Variants in CCSER1 observed in about 807,000 individuals in gnomAD.
CCSER1 encodes the protein coiled-coil serine rich protein 1, also known as serine-rich coiled-coil domain-containing protein 1.
In CCSER1, 41 loss-of-function variants were observed where a neutral mutation model predicts 82.0. That is an observed-to-expected ratio of 0.50 (90% confidence interval 0.39 to 0.65). CCSER1 has a LOEUF of 0.65. CCSER1 is among the 30% of genes least tolerant of loss of function. The pLI is 0.00. For missense variants in CCSER1, 1,119 were observed against 1,064.2 expected, an observed-to-expected ratio of 1.05 and a Z score of -0.72; for synonymous variants, 414 against 383.9, an observed-to-expected ratio of 1.08 and a Z score of -0.92.
intron 10 of CCSER1, among the ~76,000 whole-genome samples, chr4:91,517,577 C>T (rs570572841): frequency 6.6e-6 from 1 of 152,216 alleles, no homozygotes; most frequent in African/African-American, 2.4e-5. Context: ...ACCTGAATCT[C>T]GATGATCTTC....
intron 8 of CCSER1, among the ~76,000 whole-genome samples, chr4:90,903,900 G>A (rs1306646356): frequency 6.6e-6 from 1 of 150,454 alleles, no homozygotes; most frequent in Non-Finnish European, 1.5e-5. Flanking sequence ...AGTAAACATA[G>A]ACATACATGA....
At chr4:91,217,774 G>T (rs1737373126) in intron 10 of CCSER1, among the ~76,000 whole-genome samples, 1 of 152,202 alleles carries the variant, frequency 6.6e-6, no homozygotes, top group Non-Finnish European at 1.5e-5. Flanking sequence ...AGAGCAGCTA[G>T]ATACAGAGTG....
At chr4:91,029,028 A>G (rs978651262) in intron 9 of CCSER1, among the ~76,000 whole-genome samples, 33 of 152,070 alleles carry the variant, frequency 2.2e-4, no homozygotes, top group Admixed American at 2.2e-3. Flanking sequence ...ATTTTAGTAT[A>G]TGAACTAAAG....
Position 90,923,449 on chromosome 4 carries a change from T to G in CCSER1, c.2172+2T>G. Reference sequence around the variant, plus strand: ...CAGACTGAACTACTATGCTATGATGTAAGTAGCTCTGTAAAACCATTTTTA... The same window carrying G: ...CAGACTGAACTACTATGCTATGATGGAAGTAGCTCTGTAAAACCATTTTTA... On this transcript the variant is annotated splice_donor_variant, in intron 9 of 10. Coordinates refer to ENST00000509176, the MANE Select transcript of CCSER1 (RefSeq NM_001145065.2). LOFTEE classifies it high-confidence loss of function. 6.5e-7 allele frequency: 1 copy of G among 1,546,328 alleles called. No individual in the cohort carries two copies. The highest frequency in any genetic ancestry group is 8.8e-7 in the Non-Finnish European group (1 of 1,142,256).
chr4:91,293,125 C>CA (rs373997411), intron 10 of CCSER1, among the ~76,000 whole-genome samples: 38 of 151,666 alleles, frequency 2.5e-4, no homozygotes, highest in African/African-American at 5.6e-4. Context: ...AATCTGGAGA[C>CA]AAAAAAAATG....
intron 5 of CCSER1, among the ~76,000 whole-genome samples, chr4:90,471,462 T>C (rs1764385564): frequency 6.6e-6 from 1 of 152,076 alleles, no homozygotes; most frequent in Non-Finnish European, 1.5e-5. Flanking sequence ...TAAATAAAGC[T>C]TCTTAACCTT....
At chr4:90,421,226 A>G (rs972611144) in intron 4 of CCSER1, among the ~76,000 whole-genome samples, 1 of 152,184 alleles carries the variant, frequency 6.6e-6, no homozygotes, top group East Asian at 1.9e-4. Flanking sequence ...TCTATTCATC[A>G]GGTCATATGA....
At chr4:90,616,683 T>TCTCACACA (rs1280026240) in intron 5 of CCSER1, among the ~76,000 whole-genome samples, 2 of 120,306 alleles carry the variant, frequency 1.7e-5, no homozygotes, top group South Asian at 3.1e-4. Flanking sequence ...TGGCTCTGTC[T>TCTCACACA]CACACACACA....
chr4:91,142,476 C>T (rs970643495), intron 10 of CCSER1, among the ~76,000 whole-genome samples: 1 of 152,052 alleles, frequency 6.6e-6, no homozygotes, highest in South Asian at 2.1e-4. Flanking sequence ...TAATTAGATC[C>T]ACTTGGTAAT....
chr4:90,665,547 T>C (rs1438316743), intron 6 of CCSER1, among the ~76,000 whole-genome samples: 1 of 152,072 alleles, frequency 6.6e-6, no homozygotes, highest in Non-Finnish European at 1.5e-5. Flanking sequence ...GGTCTCGATC[T>C]CCTGACCTCG....
At chr4:90,322,885 A>G (rs1464339146) in intron 3 of CCSER1, among the ~76,000 whole-genome samples, 2 of 152,170 alleles carry the variant, frequency 1.3e-5, no homozygotes, top group African/African-American at 4.8e-5. Context: ...AAGCCAGTGC[A>G]GTACTGGGTC....
At chr4:90,906,127 C>T (rs1454339) in intron 8 of CCSER1, among the ~76,000 whole-genome samples, 7,510 of 152,202 alleles carry the variant, frequency 0.049, 367 homozygotes, top group East Asian at 0.22. Flanking sequence ...TCTAAAGCAA[C>T]TGAGTAATTC....
intron 5 of CCSER1, among the ~76,000 whole-genome samples, chr4:90,478,217 G>C (rs1317083696): frequency 6.6e-6 from 1 of 152,072 alleles, no homozygotes; most frequent in Non-Finnish European, 1.5e-5. Context: ...TGAGTTAAAG[G>C]GTTCCCCTGA....
chr4:90,717,918 G>A (rs915083691), intron 6 of CCSER1, among the ~76,000 whole-genome samples: 1 of 151,724 alleles, frequency 6.6e-6, no homozygotes, highest in Non-Finnish European at 1.5e-5. Flanking sequence ...AACAATCATG[G>A]CAAAACTTAA....
intron 10 of CCSER1, among the ~76,000 whole-genome samples, chr4:91,359,532 A>G (rs1749107176): frequency 6.6e-6 from 1 of 151,792 alleles, no homozygotes; most frequent in Non-Finnish European, 1.5e-5. Flanking sequence ...AGAGTAGTTT[A>G]ATTTTCATTT....
intron 7 of CCSER1, among the ~76,000 whole-genome samples, chr4:90,794,878 T>A (rs1418805914): frequency 6.6e-6 from 1 of 152,186 alleles, no homozygotes; most frequent in Non-Finnish European, 1.5e-5. Flanking sequence ...TGTAGAGGTC[T>A]TTCACTTCCC....
intron 3 of CCSER1, among the ~76,000 whole-genome samples, chr4:90,339,441 C>G (rs1740988497): frequency 6.6e-6 from 1 of 152,116 alleles, no homozygotes; most frequent in Admixed American, 6.5e-5. Context: ...CTGTTCTCAA[C>G]ACTTCCCAAT....
At chr4:90,834,467 G>A (rs1761531641) in intron 8 of CCSER1, among the ~76,000 whole-genome samples, 1 of 152,064 alleles carries the variant, frequency 6.6e-6, no homozygotes, top group East Asian at 1.9e-4. Context: ...GCTATTTACA[G>A]TGCAGAGAGA....
At chr4:90,287,977 C>A (rs930437305) in intron 1 of CCSER1, among the ~76,000 whole-genome samples, 9 of 151,706 alleles carry the variant, frequency 5.9e-5, no homozygotes, top group African/African-American at 1.9e-4. Flanking sequence ...CAAAAAAAAC[C>A]CTGGGCATTT....
Sources: gnomAD v4.1 joint callset for allele counts (sites outside exome capture counted in the v4.1 genomes callset) on GRCh38, gnomAD v4.1.1 for gene constraint, MANE v1.5 for transcripts, NCBI Gene and HGNC (gene_info 2026-07-23, HGNC 2026-07-21) for gene names.